The following SGCD variants were observed in gnomAD, a reference collection of about 807,000 sequenced individuals.
The protein encoded by SGCD is delta-sarcoglycan.
A neutral mutation model predicts 36.6 loss-of-function variants in SGCD; 18 were observed. The ratio of observed to expected loss-of-function variants is 0.49; its 90% CI spans 0.34 to 0.73. The LOEUF (loss-of-function observed/expected upper bound fraction) is 0.73. Ranked by LOEUF, SGCD falls within the 30% of genes least tolerant of loss-of-function variation. The probability of loss-of-function intolerance (pLI) is 0.01; values close to 1 mark genes in which losing one functional copy is unlikely to be tolerated. For missense variants in SGCD, 387 were observed against 346.7 expected (o/e 1.12, Z -0.92); for synonymous variants, 133 against 130.6 (o/e 1.02, Z -0.12).
At chr5:156,352,733 A>G (rs1012498626) in intron 3 of SGCD, among the ~76,000 whole-genome samples, 1 of 152,232 alleles carries the variant, frequency 6.6e-6, no homozygotes, top group African/African-American at 2.4e-5. Flanking sequence ...CATGATGCAC[A>G]TAAGAACCCT....
intron 1 of SGCD, among the ~76,000 whole-genome samples, chr5:155,917,397 C>T (rs1482278611): frequency 6.6e-6 from 1 of 152,160 alleles, no homozygotes; most frequent in Non-Finnish European, 1.5e-5. Context: ...GCATATAAAG[C>T]ATCTGACATG....
intron 1 of SGCD, among the ~76,000 whole-genome samples, chr5:155,894,352 GCCAT>G (rs1026853093): frequency 6.6e-6 from 1 of 152,040 alleles, no homozygotes; most frequent in Non-Finnish European, 1.5e-5. Context: ...ATATATGTGG[GCCAT>G]CCTTGACCGA....
intron 6 of SGCD, among the ~76,000 whole-genome samples, chr5:156,618,331 G>A (rs1368034275): frequency 1.3e-5 from 2 of 152,110 alleles, no homozygotes; most frequent in Non-Finnish European, 2.9e-5. Flanking sequence ...ATTGCTGGTT[G>A]TCTAGTTCTT....
At chr5:156,088,656 T>C (rs32387) in intron 1 of SGCD, among the ~76,000 whole-genome samples, 68,773 of 151,862 alleles carry the variant, frequency 0.45, 16,247 homozygotes, top group African/African-American at 0.58. Context: ...TGCACTGCTA[T>C]ACTCGGCTAA....
At chr5:156,344,870 G>T (rs1768867498) in intron 3 of SGCD, among the ~76,000 whole-genome samples, 193 bp downstream of exon 3, 1 of 152,144 alleles carries the variant, frequency 6.6e-6, no homozygotes, top group Non-Finnish European at 1.5e-5. Context: ...CAGTTCTTCG[G>T]GGGCTAATAC....
At chr5:156,462,585 T>C (rs1561711368) in intron 3 of SGCD, among the ~76,000 whole-genome samples, 1 of 152,194 alleles carries the variant, frequency 6.6e-6, no homozygotes, top group Non-Finnish European at 1.5e-5. Flanking sequence ...CCTAACTTAT[T>C]AGAATTATGT....
intron 3 of SGCD, among the ~76,000 whole-genome samples, chr5:156,274,890 A>G (rs185289546): frequency 6.6e-6 from 1 of 152,272 alleles, no homozygotes; most frequent in East Asian, 1.9e-4. Flanking sequence ...TGCAAGCTCA[A>G]ACACCTATAG....
At chr5:156,378,423 C>T (rs1034521255) in intron 3 of SGCD, among the ~76,000 whole-genome samples, 3 of 152,134 alleles carry the variant, frequency 2.0e-5, no homozygotes, top group Non-Finnish European at 2.9e-5. Flanking sequence ...GATGCTTTCA[C>T]AGCAGTGTGA....
chr5:156,068,944 T>C (rs1001606181), intron 1 of SGCD, among the ~76,000 whole-genome samples: 6 of 152,120 alleles, frequency 3.9e-5, no homozygotes, highest in Non-Finnish European at 2.9e-5. Flanking sequence ...TCTGTTCATG[T>C]CCTTTGCCCA....
At chr5:155,898,398 G>A (rs985031093) in intron 1 of SGCD, among the ~76,000 whole-genome samples, 1 of 152,132 alleles carries the variant, frequency 6.6e-6, no homozygotes, top group East Asian at 1.9e-4. Flanking sequence ...CTCTCAGCTG[G>A]ATAGTATGCT....
chr5:156,679,523 A>G (rs182936119), intron 7 of SGCD, among the ~76,000 whole-genome samples: 1 of 152,316 alleles, frequency 6.6e-6, no homozygotes, highest in East Asian at 1.9e-4. Flanking sequence ...GAGCCCTGGA[A>G]GAGCATCTCC....
At chr5:156,004,728 A>T (rs1369564516) in intron 1 of SGCD, among the ~76,000 whole-genome samples, 1 of 152,202 alleles carries the variant, frequency 6.6e-6, no homozygotes, top group Non-Finnish European at 1.5e-5. Flanking sequence ...AAGGATTATA[A>T]ACTATTTGTA....
chr5:155,877,143 A>G (rs1417467595), intron 1 of SGCD, among the ~76,000 whole-genome samples: 5 of 152,128 alleles, frequency 3.3e-5, no homozygotes, highest in African/African-American at 1.2e-4. Flanking sequence ...TGCAAATGCT[A>G]CAAGAAGAGG....
intron 3 of SGCD, among the ~76,000 whole-genome samples, chr5:156,372,740 T>A (rs1158658319): frequency 3.9e-5 from 6 of 152,206 alleles, no homozygotes; most frequent in Non-Finnish European, 7.3e-5. Context: ...ATTAGACATT[T>A]TGAAGCTTTT....
intron 6 of SGCD, among the ~76,000 whole-genome samples, chr5:156,631,510 A>G (rs1196514210): frequency 6.7e-6 from 1 of 149,988 alleles, no homozygotes; most frequent in Non-Finnish European, 1.5e-5. Context: ...ATCTAAGAAC[A>G]TACTCTTTGG....
intron 1 of SGCD, among the ~76,000 whole-genome samples, chr5:155,960,029 G>C (rs1385688986): frequency 2.0e-5 from 3 of 152,106 alleles, no homozygotes; most frequent in African/African-American, 7.2e-5. Flanking sequence ...ACAGACAAAA[G>C]TTACCAACTG....
At chr5:155,977,588 C>T (rs777442596) in intron 1 of SGCD, among the ~76,000 whole-genome samples, 19 of 152,184 alleles carry the variant, frequency 1.2e-4, no homozygotes, top group Non-Finnish European at 2.4e-4. Context: ...CTATTTCACC[C>T]TTCGTGGCCT....
intron 3 of SGCD, among the ~76,000 whole-genome samples, chr5:156,317,006 T>C (rs183658213): frequency 0.02 from 2,886 of 141,726 alleles, 101 homozygotes; most frequent in African/African-American, 0.077. Context: ...GTTACAACAA[T>C]GAGTCTGGTC....
At chr5:156,172,764 G>C (rs1211095580) in intron 3 of SGCD, among the ~76,000 whole-genome samples, 1 of 151,864 alleles carries the variant, frequency 6.6e-6, no homozygotes, top group Non-Finnish European at 1.5e-5. Flanking sequence ...TGATCCCTGG[G>C]AGGTGTAAGC....
Sources: gnomAD v4.1 joint callset for allele counts (sites outside exome capture counted in the v4.1 genomes callset) on GRCh38, gnomAD v4.1.1 for gene constraint, MANE v1.5 for transcripts, NCBI Gene and HGNC (gene_info 2026-07-23, HGNC 2026-07-21) for gene names.